Variants in MTREX observed in about 807,000 individuals in gnomAD.
MTREX encodes Mtr4 exosome RNA helicase.
A neutral mutation model predicts 135.4 loss-of-function variants in MTREX; 76 were observed. That is an observed-to-expected ratio of 0.56 (90% CI 0.47 to 0.68). The LOEUF (loss-of-function observed/expected upper bound fraction) is 0.68, where lower values mean the gene tolerates loss of function less well. MTREX is among the 30% of genes least tolerant of loss of function. The probability of loss-of-function intolerance (pLI) is 0.00; values close to 1 mark genes in which losing one functional copy is unlikely to be tolerated. For synonymous variants in MTREX, 404 were observed against 401.6 expected, an observed-to-expected ratio of 1.01 and a Z score of -0.07; for missense variants, 920 against 1,262.1, an observed-to-expected ratio of 0.73 and a Z score of 4.11.
chr5:55,310,202 A>T (rs1199824449), intron 1 of MTREX, among the ~76,000 whole-genome samples: 1 of 152,248 alleles, frequency 6.6e-6, no homozygotes, highest in Non-Finnish European at 1.5e-5. Context: ...ACATTTCATT[A>T]TATTAGGAAA....
intron 19 of MTREX, among the ~76,000 whole-genome samples, chr5:55,397,056 C>CAA (rs1456442552): frequency 2.6e-5 from 4 of 152,150 alleles, no homozygotes; most frequent in Admixed American, 2.6e-4. Flanking sequence ...AACCTGTTAA[C>CAA]AAGAGTCTTT....
rs1579881249 is a variant in MTREX at position 55,378,638 on chromosome 5, G to A, written c.1983+152G>A. On this transcript the variant is annotated intron_variant, in intron 17 of 26. Transcript: ENST00000230640. ...CATATTATTTTACCTGTTTCACATGGCACTAACTTAGGGGCTTATGCAAAG... is the reference window on the plus strand; with the variant it reads ...CATATTATTTTACCTGTTTCACATGACACTAACTTAGGGGCTTATGCAAAG... 3 of 966,722 alleles carry A rather than the reference G, an allele frequency of 3.1e-6. No individual in the cohort carries two copies. In the East Asian group the frequency reaches 9.2e-5, roughly 30 times the overall value. 59.9% of individuals were successfully genotyped at this position (966,722 alleles called of 1,614,324 possible). A position where few individuals can be genotyped will look rare whatever the true frequency, so the allele number is the denominator to read the frequency against.
rs985497011 is a variant in MTREX, at chr5:55,360,569, A to T, written c.1659+1871A>T. On this transcript the variant is annotated intron_variant, in intron 15 of 26. Coordinates refer to ENST00000230640, the MANE Select transcript of MTREX (RefSeq NM_015360.5). ...AGTTGCACCGTTTTACATTCCCACA[A>T]GCATTATATGAGGCTTCTAATTTCT... 3.3e-5 allele frequency among the ~76,000 whole-genome samples: 5 copies of T among 152,186 alleles called. No homozygotes were observed. The South Asian group carries it at 1.0e-3, about 31-fold the overall frequency.
At chr5:55,410,777 C>T in intron 23 of MTREX, 148 bp downstream of exon 23, 1 of 467,430 alleles carries the variant, frequency 2.1e-6, no homozygotes, top group Non-Finnish European at 3.8e-6. Flanking sequence ...CACAAATGTA[C>T]TAAGAAAATT....
At chr5:55,407,991 T>G (rs1182698431) in intron 22 of MTREX, among the ~76,000 whole-genome samples, 2 of 152,042 alleles carry the variant, frequency 1.3e-5, no homozygotes, top group Non-Finnish European at 2.9e-5. Context: ...CTCCTGTAAT[T>G]AAGCAGTCCG....
rs1380336633 is a variant in MTREX, at chr5:55,414,241, A to T, written c.2808+3A>T. 1.3e-6 allele frequency: 2 copies of T among 1,538,808 alleles called. No homozygotes were observed. The highest frequency in any genetic ancestry group is 2.9e-5 in the African/African-American group (2 of 68,948). On this transcript the variant is annotated splice_donor_region_variant and intron_variant, in intron 24 of 26. Coordinates refer to ENST00000230640, the MANE Select transcript of MTREX (RefSeq NM_015360.5). Reference sequence around the variant, plus strand: ...CAGGACCACTTCGTCAAATGCAGGTAAGGTTTTTTTTTTTTTTTTTTGAAC... The same window carrying T: ...CAGGACCACTTCGTCAAATGCAGGTTAGGTTTTTTTTTTTTTTTTTTGAAC...
At chr5:55,406,326 G>A (rs545761877) in intron 22 of MTREX, among the ~76,000 whole-genome samples, 9 of 152,214 alleles carry the variant, frequency 5.9e-5, no homozygotes, top group South Asian at 2.1e-4. Flanking sequence ...AGTCCGGAGC[G>A]GCTGGGGAAT....
At chr5:55,311,180 A>G (rs1438128505) in intron 1 of MTREX, among the ~76,000 whole-genome samples, 1 of 152,156 alleles carries the variant, frequency 6.6e-6, no homozygotes, top group African/African-American at 2.4e-5. Flanking sequence ...ACTCAGCTTC[A>G]CCAATATCAA....
intron 25 of MTREX, among the ~76,000 whole-genome samples, chr5:55,418,966 C>T (rs751198275): frequency 6.6e-6 from 1 of 152,150 alleles, no homozygotes; most frequent in Non-Finnish European, 1.5e-5. Flanking sequence ...ACCTCAGCCT[C>T]CAGAGTAGCT....
At chr5:55,402,365 C>G (rs998865076) in intron 21 of MTREX, among the ~76,000 whole-genome samples, 5 of 152,190 alleles carry the variant, frequency 3.3e-5, no homozygotes, top group Non-Finnish European at 7.3e-5. Flanking sequence ...CAGCAGCTCT[C>G]TCCCTGCTGT....
intron 15 of MTREX, among the ~76,000 whole-genome samples, chr5:55,366,454 A>T (rs530451265): frequency 6.6e-6 from 1 of 152,088 alleles, no homozygotes; most frequent in Non-Finnish European, 1.5e-5. Flanking sequence ...GCAGTGGGGG[A>T]CCACAAAGAG....
chr5:55,414,920 G>A (rs1349481225), intron 24 of MTREX, among the ~76,000 whole-genome samples: 2 of 152,130 alleles, frequency 1.3e-5, no homozygotes, highest in African/African-American at 4.8e-5. Context: ...AAAGTGCTGG[G>A]ATTACAGATG....
At chr5:55,420,445 A>G (rs1024848244) in intron 25 of MTREX, among the ~76,000 whole-genome samples, 1 of 152,224 alleles carries the variant, frequency 6.6e-6, no homozygotes, top group Non-Finnish European at 1.5e-5. Context: ...ATTGTGGTAT[A>G]TATTAGGTTG....
intron 16 of MTREX, among the ~76,000 whole-genome samples, chr5:55,378,109 C>G (rs1473845314): frequency 6.6e-6 from 1 of 152,012 alleles, no homozygotes; most frequent in Non-Finnish European, 1.5e-5. Context: ...CATGTCTATC[C>G]AATAAAGCCT....
intron 16 of MTREX, among the ~76,000 whole-genome samples, chr5:55,375,822 T>C (rs1290939369): frequency 1.3e-5 from 2 of 152,200 alleles, no homozygotes; most frequent in Admixed American, 6.5e-5. Flanking sequence ...GGGGAACTAA[T>C]AAATGTCCAT....
chr5:55,376,360 A>AT (rs1285029743), intron 16 of MTREX, among the ~76,000 whole-genome samples: 1 of 152,242 alleles, frequency 6.6e-6, no homozygotes, highest in Non-Finnish European at 1.5e-5. Context: ...TCCAAGCCAA[A>AT]TAACAGACTG....
At chr5:55,361,020 A>G (rs1474799796) in intron 15 of MTREX, among the ~76,000 whole-genome samples, 1 of 152,214 alleles carries the variant, frequency 6.6e-6, no homozygotes, top group Non-Finnish European at 1.5e-5. Context: ...TTATGCTTCT[A>G]ACTACTATAT....
At chr5:55,373,900 G>A (rs1750247710) in intron 16 of MTREX, among the ~76,000 whole-genome samples, 1 of 152,052 alleles carries the variant, frequency 6.6e-6, no homozygotes, top group African/African-American at 2.4e-5. Flanking sequence ...GGTGTGTGGG[G>A]AAGAAAAACC....
At chr5:55,402,870 G>GTA (rs2111596655) in intron 21 of MTREX, among the ~76,000 whole-genome samples, 1 of 94,650 alleles carries the variant, frequency 1.1e-5, no homozygotes, top group Admixed American at 1.5e-4. Context: ...GTGTGTGTGT[G>GTA]TGTATATATA....
Sources: allele counts gnomAD v4.1 joint callset (sites outside exome capture counted in the v4.1 genomes callset), GRCh38; gene constraint gnomAD v4.1.1; transcripts MANE v1.5; gene names NCBI Gene and HGNC (gene_info 2026-07-23, HGNC 2026-07-21).